CWH43: variants seen among roughly 807,000 people sequenced by gnomAD.
The protein encoded by CWH43 is PGAP2-interacting protein.
CWH43 carries 91 observed loss-of-function variants against 85.7 expected under a neutral mutation model. That is an observed-to-expected ratio of 1.06 (90% CI 0.90 to 1.26). CWH43 has a LOEUF of 1.26. CWH43 is among the 50% of genes most tolerant of loss of function. The pLI, the probability that CWH43 is intolerant of heterozygous loss-of-function variation, is 0.00. For synonymous variants in CWH43, 323 were observed against 293.6 expected (o/e 1.10, Z -1.02); for missense variants, 869 against 839.2 (o/e 1.04, Z -0.44).
chr4:49,029,395 G>C (rs552319049), intron 10 of CWH43, among the ~76,000 whole-genome samples: 1 of 152,204 alleles, frequency 6.6e-6, no homozygotes, highest in East Asian at 1.9e-4. Flanking sequence ...AATGCACTGC[G>C]GAAAGCCACA....
Position 49,028,815 on chromosome 4 carries a change from C to T in CWH43, c.1372+81C>T, listed in dbSNP as rs895433812. The T allele has an allele frequency of 5.7e-6, 5 of 873,674 alleles. No homozygotes were observed. The Admixed American group carries it at 6.8e-5, about 12-fold the overall frequency. 54.1% of individuals were successfully genotyped at this position (873,674 alleles called of 1,614,324 possible). On this transcript the variant is annotated intron_variant, in intron 10 of 15. Transcript: ENST00000226432. ...TTTTCAGCAGGGTCATAAGCCATAA[C>T]TTAATGCAGGTATTAGATTAAATTT... is the stretch of plus-strand genomic sequence containing the variant.
chr4:49,030,336 T>A (rs150776717), intron 10 of CWH43, among the ~76,000 whole-genome samples: 1 of 152,200 alleles, frequency 6.6e-6, no homozygotes, highest in Non-Finnish European at 1.5e-5. Flanking sequence ...TCTATATGGA[T>A]GTAATACCAC....
chr4:49,061,325 T>C (rs573204689), intron 15 of CWH43, among the ~76,000 whole-genome samples: 8 of 152,352 alleles, frequency 5.3e-5, no homozygotes, highest in African/African-American at 1.2e-4. Context: ...TGGCCTCTTA[T>C]GTGCAAGTCT....
chr4:49,038,886 G>A (rs796891795), intron 13 of CWH43, among the ~76,000 whole-genome samples: 124 of 151,288 alleles, frequency 8.2e-4, no homozygotes, highest in African/African-American at 2.5e-3. Context: ...GTGAAACCCC[G>A]TCTCTACTAA....
intron 15 of CWH43, among the ~76,000 whole-genome samples, chr4:49,058,824 A>C (rs763072206): frequency 3.0e-4 from 45 of 152,206 alleles, no homozygotes; most frequent in Admixed American, 2.0e-3. Context: ...TGAGAAACAC[A>C]CTGATAGTCT....
rs1161729341 is a variant in CWH43, at chr4:49,061,925, T to C, written c.*35T>C. 1 of 1,294,350 alleles carries C rather than the reference T, an allele frequency of 7.7e-7. No individual in the cohort carries two copies. Among genetic ancestry groups the C allele is most frequent in the South Asian group, 1.7e-5 (1 of 59,202 alleles). 80.2% of individuals were successfully genotyped at this position (1,294,350 alleles called of 1,614,324 possible). A position where few individuals can be genotyped will look rare whatever the true frequency, so the allele number is the denominator to read the frequency against. On this transcript the variant is annotated 3_prime_UTR_variant, in exon 16 of 16. Coordinates refer to ENST00000226432, the MANE Select transcript of CWH43 (RefSeq NM_025087.3). Reference sequence around the variant, plus strand: ...AACAAGAAGTTATTGGCTGGGAAAATCTAAGAAAAAAAGTATGTAAGATAA... The same window carrying C: ...AACAAGAAGTTATTGGCTGGGAAAACCTAAGAAAAAAAGTATGTAAGATAA...
intron 8 of CWH43, among the ~76,000 whole-genome samples, chr4:49,012,078 G>A (rs1387706836): frequency 6.6e-6 from 1 of 152,116 alleles, no homozygotes; most frequent in African/African-American, 2.4e-5. Context: ...TTTCCAACTT[G>A]GTTCCATTCT....
chr4:49,016,929 C>A, intron 8 of CWH43: 1 of 784,124 alleles, frequency 1.3e-6, no homozygotes, highest in Non-Finnish European at 2.4e-6. Context: ...GCTGATCTCC[C>A]CAGTAAAGGC....
At chr4:49,031,586 A>G (rs1784101005) in intron 11 of CWH43, among the ~76,000 whole-genome samples, 1 of 152,164 alleles carries the variant, frequency 6.6e-6, no homozygotes, top group South Asian at 2.1e-4. Context: ...CATTTTATCC[A>G]GTTGTGATTG....
Position 49,061,996 on chromosome 4 carries a change from A to C in CWH43, c.*106A>C. 1 of 852,564 alleles carries C rather than the reference A, an allele frequency of 1.2e-6. No homozygotes were observed. The highest frequency in any genetic ancestry group is 4.0e-5 in the East Asian group (1 of 25,166). The allele number at this position is 852,564 out of a possible 1,614,324, so 52.8% of individuals were successfully genotyped here. The stretch of plus-strand genomic sequence containing the variant: ...TGGGAAAATACACATGAAGAACCTC[A>C]ACTTAAAAAACACATGGTATCTATG... On this transcript the variant is annotated 3_prime_UTR_variant, in exon 16 of 16. Transcript: ENST00000226432.
chr4:49,038,964 A>G (rs1784349340), intron 13 of CWH43, among the ~76,000 whole-genome samples: 1 of 151,720 alleles, frequency 6.6e-6, no homozygotes, highest in Non-Finnish European at 1.5e-5. Context: ...AGGCTGAGGC[A>G]GGAGAATGGC....
At chr4:49,021,825 G>A (rs1168544898) in intron 9 of CWH43, among the ~76,000 whole-genome samples, 1 of 152,060 alleles carries the variant, frequency 6.6e-6, no homozygotes, top group Non-Finnish European at 1.5e-5. Context: ...TATTGTAAAA[G>A]GGGTTGAATT....
At chr4:49,042,461 T>A (rs544540990) in intron 13 of CWH43, among the ~76,000 whole-genome samples, 8 of 152,292 alleles carry the variant, frequency 5.3e-5, no homozygotes, top group African/African-American at 1.9e-4. Context: ...GAGTTCAGCT[T>A]TGGGCTGAGT....
intron 9 of CWH43, among the ~76,000 whole-genome samples, chr4:49,018,910 C>G (rs1406556976): frequency 6.6e-6 from 1 of 152,124 alleles, no homozygotes; most frequent in Admixed American, 6.6e-5. Flanking sequence ...TAATAGTAGA[C>G]CATCATTACA....
At chr4:49,050,112 A>G (rs187508427) in intron 14 of CWH43, among the ~76,000 whole-genome samples, 9 of 152,354 alleles carry the variant, frequency 5.9e-5, no homozygotes, top group African/African-American at 2.2e-4. Context: ...AGCACAATGT[A>G]ATAAAATAAA....
At chr4:48,999,177 T>A (rs1276611090) in intron 6 of CWH43, among the ~76,000 whole-genome samples, 1 of 152,186 alleles carries the variant, frequency 6.6e-6, no homozygotes, top group Non-Finnish European at 1.5e-5. Context: ...CATGCAGCAT[T>A]TGGTTTTCTG....
intron 9 of CWH43, among the ~76,000 whole-genome samples, chr4:49,020,191 G>A (rs1479196713): frequency 6.6e-6 from 1 of 151,946 alleles, no homozygotes; most frequent in Non-Finnish European, 1.5e-5. Flanking sequence ...AGTCTCCTGA[G>A]TCTCCAAAGT....
intron 14 of CWH43, among the ~76,000 whole-genome samples, chr4:49,048,525 T>C (rs1784700888): frequency 6.6e-6 from 1 of 152,124 alleles, no homozygotes; most frequent in African/African-American, 2.4e-5. Flanking sequence ...GTTCTGTAGA[T>C]TCTAAGACCA....
chr4:49,017,115 C>T, intron 8 of CWH43, 134 bp from the exon 9 acceptor site: 1 of 782,290 alleles, frequency 1.3e-6, no homozygotes, highest in East Asian at 2.7e-5. Flanking sequence ...ACCCATTCAT[C>T]TTCCAGGTCC....
Sources: allele counts gnomAD v4.1 joint callset (sites outside exome capture counted in the v4.1 genomes callset), GRCh38; gene constraint gnomAD v4.1.1; transcripts MANE v1.5; gene names NCBI Gene and HGNC (gene_info 2026-07-23, HGNC 2026-07-21).